The following RNASET2 variants were observed in gnomAD, a reference collection of about 807,000 sequenced individuals.
The protein encoded by RNASET2 is ribonuclease 6.
A neutral mutation model predicts 33.9 loss-of-function variants in RNASET2; 28 were observed. That is an observed-to-expected ratio of 0.83 (90% CI 0.61 to 1.13). RNASET2 has a LOEUF of 1.13. Among genes scored for constraint, RNASET2 ranks in the 50% most tolerant of loss-of-function variants. The pLI is 0.00. For synonymous variants in RNASET2, 123 were observed against 121.0 expected (o/e 1.02, Z -0.11); for missense variants, 330 against 319.9 (o/e 1.03, Z -0.24).
chr6:166,923,124 G>A lies in RNASET2; in HGVS notation c.*6464C>T, dbSNP rs1464335541. ...TCTTTTGGAGATGGAGTCTCACTCT[G>A]TTGCCCAGGCTGGAGGGTGGAGCGC... On this transcript the variant is annotated 3_prime_UTR_variant, in exon 9 of 9. Coordinates refer to ENST00000508775, the MANE Select transcript of RNASET2 (RefSeq NM_003730.6). Among the ~76,000 whole-genome samples, 2 of 152,002 alleles carry A rather than the reference G, an allele frequency of 1.3e-5. No homozygotes were observed. The highest frequency in any genetic ancestry group is 1.3e-4 in the Admixed American group (2 of 15,266).
chr6:166,937,485 A>G (rs1334132986), intron 6 of RNASET2, among the ~76,000 whole-genome samples: 1 of 152,186 alleles, frequency 6.6e-6, no homozygotes, highest in African/African-American at 2.4e-5. Flanking sequence ...AGGTGAGAAA[A>G]TGTTTCCTAA....
chr6:166,930,743 TACACACATGCACACACAGGACATGC>T (rs1418281242), intron 8 of RNASET2, among the ~76,000 whole-genome samples: 2 of 142,640 alleles, frequency 1.4e-5, no homozygotes, highest in East Asian at 4.3e-4. Context: ...CCACATAATG[TACACACATGCACACACAGGACATGC>T]ACACACATGC....
intron 8 of RNASET2, among the ~76,000 whole-genome samples, chr6:166,930,564 AACATGCACACACATGCACACACACAGC>A (rs1778398619): frequency 6.8e-6 from 1 of 147,698 alleles, no homozygotes; most frequent in Non-Finnish European, 1.5e-5. Context: ...TCACACAGAG[AACATGCACACACATGCACACACACAGC>A]ACATGCACAC....
At chr6:166,948,068 G>A (rs1457238031) in intron 3 of RNASET2, among the ~76,000 whole-genome samples, 1 of 152,112 alleles carries the variant, frequency 6.6e-6, no homozygotes, top group African/African-American at 2.4e-5. Flanking sequence ...GTTATTGGCT[G>A]GGCACAGTGG....
At chr6:166,930,427 C>T (rs1778391739) in intron 8 of RNASET2, among the ~76,000 whole-genome samples, 1 of 152,114 alleles carries the variant, frequency 6.6e-6, no homozygotes, top group Admixed American at 6.5e-5. Flanking sequence ...CACAGAGGCA[C>T]AGGCCCATGC....
In RNASET2 at chr6:166,929,685, T is replaced by A; in HGVS notation, c.674A>T (p.Glu225Val). Reference protein sequence around the residue: ...EPGEQPSPKQEVWLANGAAES... With the variant: ...EPGEQPSPKQVVWLANGAAES... Reference sequence around the variant, plus strand: ...GGCGGCCCCATTTGCCAGCCAGACTTCCTGCTTGGGGGACGGCTGCTCCCC... The same window carrying A: ...GGCGGCCCCATTTGCCAGCCAGACTACCTGCTTGGGGGACGGCTGCTCCCC... The change falls in exon 9 of 9, where the codon GAA becomes GTA. Residue 225 changes from glutamate to valine, a missense_variant. Coordinates refer to ENST00000508775, the MANE Select transcript of RNASET2 (RefSeq NM_003730.6). 1.2e-6 allele frequency: 2 copies of A among 1,614,138 alleles called. No individual in the cohort carries two copies. Among genetic ancestry groups the A allele is most frequent in the Non-Finnish European group, 1.7e-6 (2 of 1,180,028 alleles).
intron 2 of RNASET2, among the ~76,000 whole-genome samples, chr6:166,949,168 A>G (rs1350953252): frequency 7.2e-6 from 1 of 138,566 alleles, no homozygotes; most frequent in African/African-American, 2.7e-5. Context: ...ATTGCACTCC[A>G]GCCTAGGTGA....
At chr6:166,950,901 G>A (rs1778968457) in intron 2 of RNASET2, among the ~76,000 whole-genome samples, 2 of 152,242 alleles carry the variant, frequency 1.3e-5, no homozygotes, top group African/African-American at 4.8e-5. Context: ...TACAGGGACT[G>A]TGGGTTTTTC....
chr6:166,950,085 G>A (rs748053736), intron 2 of RNASET2, among the ~76,000 whole-genome samples: 2 of 152,166 alleles, frequency 1.3e-5, no homozygotes, highest in Non-Finnish European at 2.9e-5. Context: ...CATTCAGTGT[G>A]CAGGGACACA....
intron 2 of RNASET2, among the ~76,000 whole-genome samples, 187 bp from the exon 3 acceptor site, chr6:166,948,812 G>A (rs1778910232): frequency 6.6e-6 from 1 of 152,162 alleles, no homozygotes; most frequent in South Asian, 2.1e-4. Flanking sequence ...ACATCCATGA[G>A]GAAGCTACAC....
intron 4 of RNASET2, among the ~76,000 whole-genome samples, chr6:166,944,258 T>C (rs1404099757): frequency 6.6e-6 from 1 of 152,024 alleles, no homozygotes; most frequent in African/African-American, 2.4e-5. Flanking sequence ...GGAGTTTACT[T>C]TTCTATTTCT....
Position 166,927,900 on chromosome 6 carries a change from C to T in RNASET2, c.*1688G>A, listed in dbSNP as rs918245485. Among the ~76,000 whole-genome samples, 6 of 151,982 alleles carry T rather than the reference C, an allele frequency of 3.9e-5. No individual in the cohort carries two copies. Among genetic ancestry groups the T allele is most frequent in the African/African-American group, 7.3e-5 (3 of 41,354 alleles). On this transcript the variant is annotated 3_prime_UTR_variant, in exon 9 of 9. Coordinates refer to ENST00000508775, the MANE Select transcript of RNASET2 (RefSeq NM_003730.6). ...CATCAAAACACAAATCATCAGTTCC[C>T]GACAGAAACAAATCCTGCCCTGCCA...
intron 1 of RNASET2, among the ~76,000 whole-genome samples, chr6:166,955,277 A>C (rs1473534581): frequency 1.2e-5 from 1 of 80,216 alleles, no homozygotes; most frequent in Admixed American, 1.3e-4. Context: ...ACACGCGCAC[A>C]CACGACACAC....
chr6:166,937,084 T>C (rs894782949), intron 6 of RNASET2, among the ~76,000 whole-genome samples: 1 of 152,176 alleles, frequency 6.6e-6, no homozygotes, highest in African/African-American at 2.4e-5. Context: ...TCTTTTTAAC[T>C]GCAAGTCTCC....
At position 166,933,854 on chromosome 6, in the gene RNASET2, T is replaced by C. The variant is rs1778503331; in HGVS notation, c.492+237A>G. 4 of 582,932 alleles carry C rather than the reference T, an allele frequency of 6.9e-6. No individual in the cohort carries two copies. The highest frequency in any genetic ancestry group is 3.0e-5 in the Admixed American group (1 of 33,304). The allele number at this position is 582,932 out of a possible 1,614,324, so 36.1% of individuals were successfully genotyped here. ...TGCCGGACCCTGGAGCACACACTTC[T>C]CACAAAGGGAGCCATGAAATCTGTG... On this transcript the variant is annotated intron_variant, in intron 7 of 8. Coordinates refer to ENST00000508775, the MANE Select transcript of RNASET2 (RefSeq NM_003730.6). This position sits in a 1 kb window ranked among gnomAD's most constrained non-coding sequence, Gnocchi z 4.1.
rs1198053729 is a variant in RNASET2, at chr6:166,923,590, T to C, written c.*5998A>G. 2.0e-5 allele frequency among the ~76,000 whole-genome samples: 3 copies of C among 151,774 alleles called. No homozygotes were observed. The highest frequency in any genetic ancestry group is 2.9e-5 in the Non-Finnish European group (2 of 67,936). On this transcript the variant is annotated 3_prime_UTR_variant, in exon 9 of 9. Transcript: ENST00000508775. ...TTCTGTCTTTTTTGTCTAAAATAAA[T>C]GGAAGGCCCATTACAGTCACTCAGA...
chr6:166,955,414 C>A, intron 1 of RNASET2: 3 of 651,006 alleles, frequency 4.6e-6, no homozygotes, highest in Non-Finnish European at 5.6e-6. Flanking sequence ...CACACGCGCA[C>A]ACACACACAC....
At chr6:166,954,701 T>C (rs1292194228) in intron 1 of RNASET2, among the ~76,000 whole-genome samples, 2 of 152,232 alleles carry the variant, frequency 1.3e-5, no homozygotes, top group East Asian at 1.9e-4. Context: ...ATTAAAAATA[T>C]ATACCTAAGG....
At chr6:166,952,454 A>G (rs1394715308) in intron 2 of RNASET2, 34 bp downstream of exon 2, 5 of 1,594,202 alleles carry the variant, frequency 3.1e-6, no homozygotes, top group Non-Finnish European at 4.3e-6. Flanking sequence ...AGGGCTCCCC[A>G]GGCCCCAGGG....
Sources: allele counts gnomAD v4.1 joint callset (sites outside exome capture counted in the v4.1 genomes callset), GRCh38; gene constraint gnomAD v4.1.1; non-coding constraint Gnocchi (gnomAD v3.1); transcripts MANE v1.5; gene names NCBI Gene and HGNC (gene_info 2026-07-23, HGNC 2026-07-21).